Variants in MORC4 observed in about 807,000 individuals in gnomAD.
MORC4 encodes MORC family CW-type zinc finger protein 4.
A neutral mutation model predicts 65.5 loss-of-function variants in MORC4; 22 were observed. That is an observed-to-expected ratio of 0.34 (90% CI 0.24 to 0.48). The LOEUF (loss-of-function observed/expected upper bound fraction) is 0.48. MORC4 is among the 20% of genes least tolerant of loss of function. The probability of loss-of-function intolerance (pLI) is 0.99; values close to 1 mark genes in which losing one functional copy is unlikely to be tolerated. For missense variants in MORC4, 624 were observed against 703.0 expected (o/e 0.89, Z 1.27); for synonymous variants, 267 against 255.8 (o/e 1.04, Z -0.42).
intron 13 of MORC4, among the ~76,000 whole-genome samples, chrX:106,955,884 G>T (rs954128071): frequency 2.7e-5 from 3 of 111,604 alleles, no homozygotes; most frequent in Admixed American, 1.9e-4. Context: ...GAAAGGCAAG[G>T]TTGGGAGGGA....
chrX:106,969,348 C>A (rs913993961), intron 9 of MORC4, among the ~76,000 whole-genome samples: 2 of 111,993 alleles, frequency 1.8e-5, no homozygotes, highest in African/African-American at 3.3e-5. Context: ...AAATTTATAG[C>A]ACTAAATGCC....
chrX:106,948,684 C>T (rs2147804467), intron 14 of MORC4, among the ~76,000 whole-genome samples: 1 of 111,611 alleles, frequency 9.0e-6, no homozygotes, highest in South Asian at 3.7e-4. Flanking sequence ...CCTTTATTTC[C>T]TAAAGGTAAT....
In MORC4 at chrX:106,976,834, T is replaced by A. The variant is rs754595949; in HGVS notation, c.1057-150A>T. The A allele has an allele frequency of 1.9e-4, 74 of 383,237 alleles. No homozygotes were observed. In the South Asian group the frequency reaches 3.1e-3, roughly 16 times the overall value. 31.6% of individuals were successfully genotyped at this position (383,237 alleles called of 1,213,427 possible). On this transcript the variant is annotated intron_variant, in intron 8 of 16. Transcript: ENST00000355610. ...TCTAGAGAAACACTTAGAATGTACA[T>A]CAACAGACTGCAAGCATTAAACTGA... is the stretch of plus-strand genomic sequence containing the variant.
intron 2 of MORC4, among the ~76,000 whole-genome samples, chrX:106,994,352 T>G (rs755792613): frequency 8.9e-6 from 1 of 111,976 alleles, no homozygotes; most frequent in South Asian, 3.8e-4. Context: ...CTAAGCTCTT[T>G]GAGCAAGACA....
At chrX:106,999,473 G>A (rs1489401592) in intron 2 of MORC4, among the ~76,000 whole-genome samples, 2 of 112,009 alleles carry the variant, frequency 1.8e-5, no homozygotes, top group Admixed American at 1.9e-4. Flanking sequence ...GACACACCTC[G>A]TTTCCTCCGT....
At chrX:106,991,859 C>A (rs1048809801) in intron 3 of MORC4, among the ~76,000 whole-genome samples, 1 of 111,631 alleles carries the variant, frequency 9.0e-6, no homozygotes, top group Non-Finnish European at 1.9e-5. Context: ...GAGCTGAGAT[C>A]ATGCCACTGC....
Position 106,999,653 on chromosome X carries a change from G to A in MORC4, c.175+24C>T, listed in dbSNP as rs759081110. On this transcript the variant is annotated intron_variant, in intron 2 of 16. Coordinates refer to ENST00000355610, the MANE Select transcript of MORC4 (RefSeq NM_024657.5). ...GGCACCACTGCCTCGGGCGAACACG[G>A]CCGGGCCCGCCCTCGCCACTCACCT... is the stretch of plus-strand genomic sequence containing the variant. The A allele has an allele frequency of 3.3e-5, 37 of 1,122,909 alleles. No individual in the cohort carries two copies. In the Middle Eastern group the frequency reaches 7.8e-4, roughly 24 times the overall value. 92.5% of individuals were successfully genotyped at this position (1,122,909 alleles called of 1,213,427 possible). A position where few individuals can be genotyped will look rare whatever the true frequency, so the allele number is the denominator to read the frequency against.
At chrX:106,994,457 G>A (rs138734774) in intron 2 of MORC4, among the ~76,000 whole-genome samples, 1 of 112,003 alleles carries the variant, frequency 8.9e-6, no homozygotes, top group Non-Finnish European at 1.9e-5. Flanking sequence ...GTCAGGTCCT[G>A]GCCATATACT....
chrX:106,951,447 C>T (rs1265856754), intron 14 of MORC4, among the ~76,000 whole-genome samples: 1 of 111,043 alleles, frequency 9.0e-6, no homozygotes, highest in East Asian at 2.8e-4. Context: ...GCAATCACAG[C>T]TGGCTCACTG....
intron 14 of MORC4, among the ~76,000 whole-genome samples, chrX:106,945,458 G>GTC (rs1491369214): frequency 1.9e-5 from 2 of 106,150 alleles, no homozygotes; most frequent in Non-Finnish European, 3.8e-5. Flanking sequence ...GTGTGTGTGT[G>GTC]TCCTAGGTAC....
In MORC4 at chrX:106,978,212, T is replaced by C. The variant is rs1357200131; in HGVS notation, c.937-13A>G. ...TCACCTGCTTATTCTGAGAAGAACA[T>C]CGTTAAGGAGACAAACATACCAGGG... On this transcript the variant is annotated splice_polypyrimidine_tract_variant and intron_variant, in intron 7 of 16. Coordinates refer to ENST00000355610, the MANE Select transcript of MORC4 (RefSeq NM_024657.5). 8.4e-7 allele frequency: 1 copy of C among 1,194,289 alleles called. No homozygotes were observed. Among genetic ancestry groups the C allele is most frequent in the Admixed American group, 2.3e-5 (1 of 43,506 alleles).
rs1933706737 is a variant in MORC4, at chrX:106,942,216, C to T, written c.2382G>A (p.Glu794=). Residue 794 remains glutamate, a synonymous_variant, in exon 16 of 17, where the codon GAG becomes GAA. Coordinates refer to ENST00000355610, the MANE Select transcript of MORC4 (RefSeq NM_024657.5). The part of the protein sequence containing the change: ...AERNLFQQKV[E]ELEQERNHWQ... ...AGTGATTCCTCTCCTGTTCCAGCTC[C>T]TCCACCTGCAGTCCAAGAAACAGAA... 1 of 1,200,212 alleles carries T rather than the reference C, an allele frequency of 8.3e-7. No individual in the cohort carries two copies. The highest frequency in any genetic ancestry group is 1.1e-6 in the Non-Finnish European group (1 of 890,046).
Position 106,954,938 on chromosome X carries a change from C to A in MORC4, c.1660G>T (p.Asp554Tyr), listed in dbSNP as rs868172752. Residue 554 changes from aspartate to tyrosine, a missense_variant, in exon 14 of 17, where the codon GAT becomes TAT. Coordinates refer to ENST00000355610, the MANE Select transcript of MORC4 (RefSeq NM_024657.5). ...RSPSLQLKPL[D>Y]SSVLQFSSKY... ...CTGGAAAACTGTAAAACACTGGAAT[C>A]CAGAGGCTTAAGTTGAAGAGATGGT... The A allele has an allele frequency of 8.3e-7, 1 of 1,207,660 alleles. No homozygotes were observed. The highest frequency in any genetic ancestry group is 1.1e-6 in the Non-Finnish European group (1 of 894,644).
intron 12 of MORC4, 117 bp from the exon 13 acceptor site, chrX:106,956,651 T>A: frequency 1.5e-6 from 1 of 653,843 alleles, no homozygotes; most frequent in Admixed American, 2.6e-5. Context: ...ACTGTGAGCC[T>A]CATTGAGTAA....
At chrX:106,973,681 G>C (rs1934568998) in intron 9 of MORC4, among the ~76,000 whole-genome samples, 1 of 111,918 alleles carries the variant, frequency 8.9e-6, no homozygotes, top group South Asian at 3.7e-4. Context: ...CAGCAGAAGA[G>C]TCAGAATCAG....
At chrX:106,951,589 C>G (rs1335311273) in intron 14 of MORC4, among the ~76,000 whole-genome samples, 2 of 111,084 alleles carry the variant, frequency 1.8e-5, no homozygotes, top group Non-Finnish European at 3.8e-5. Context: ...AGGCTAGTCT[C>G]GAACTCCTGG....
At chrX:106,976,994 A>T (rs1934638226) in intron 8 of MORC4, among the ~76,000 whole-genome samples, 1 of 111,697 alleles carries the variant, frequency 9.0e-6, no homozygotes, top group African/African-American at 3.2e-5. Context: ...ATATTCCAGG[A>T]CTGCCATAAG....
intron 14 of MORC4, among the ~76,000 whole-genome samples, chrX:106,951,185 C>G (rs1933959078): frequency 9.0e-6 from 1 of 111,113 alleles, no homozygotes; most frequent in Admixed American, 9.6e-5. Context: ...TTTGTTATTT[C>G]AAGTATTCCT....
intron 14 of MORC4, among the ~76,000 whole-genome samples, chrX:106,946,233 C>T (rs1233943084): frequency 1.8e-5 from 2 of 112,093 alleles, no homozygotes; most frequent in African/African-American, 6.5e-5. Flanking sequence ...CAAGAAACCT[C>T]CTACACATCA....
Sources: allele counts gnomAD v4.1 joint callset (sites outside exome capture counted in the v4.1 genomes callset), GRCh38; gene constraint gnomAD v4.1.1; transcripts MANE v1.5; gene names NCBI Gene and HGNC (gene_info 2026-07-23, HGNC 2026-07-21).